Variants in POU2F1 observed in about 807,000 individuals in gnomAD.
The protein encoded by POU2F1 is POU domain, class 2, transcription factor 1.
A neutral mutation model predicts 84.9 loss-of-function variants in POU2F1; 16 were observed. That is an observed-to-expected ratio of 0.19 (90% CI 0.13 to 0.29). The LOEUF is 0.29. POU2F1 is among the 10% of genes least tolerant of loss of function. POU2F1 has a pLI of 1.00. For synonymous variants in POU2F1, 368 were observed against 368.3 expected, an observed-to-expected ratio of 1.00 and a Z score of 0.01; for missense variants, 738 against 942.6, an observed-to-expected ratio of 0.78 and a Z score of 2.84.
Position 167,421,191 on chromosome 1 carries a change from GA to G in POU2F1, c.*5383del, listed in dbSNP as rs1650629362. ...CAGCGTTTACAAACTTGGCTTTTGAGAAGGGAAAAATCCTCTTTGCTATTTC... is the reference window on the plus strand; with the variant it reads ...CAGCGTTTACAAACTTGGCTTTTGAGAGGGAAAAATCCTCTTTGCTATTTC... On this transcript the variant is annotated 3_prime_UTR_variant, in exon 16 of 16. Coordinates refer to ENST00000367866, the MANE Select transcript of POU2F1 (RefSeq NM_002697.4). 1 of 152,170 alleles carries G rather than the reference GA, an allele frequency of 6.6e-6. No homozygotes were observed. The highest frequency in any genetic ancestry group is 1.5e-5 in the Non-Finnish European group (1 of 68,022). 9.4% of individuals were successfully genotyped at this position (152,170 alleles called of 1,614,324 possible).
chr1:167,229,607 G>A (rs577840294), intron 1 of POU2F1, among the ~76,000 whole-genome samples: 62 of 152,342 alleles, frequency 4.1e-4, no homozygotes, highest in African/African-American at 1.4e-3. Flanking sequence ...ACCAGTGTTA[G>A]AGGGATGCTG....
intron 1 of POU2F1, among the ~76,000 whole-genome samples, chr1:167,323,552 A>G (rs377354015): frequency 6.6e-6 from 1 of 152,218 alleles, no homozygotes; most frequent in East Asian, 1.9e-4. Context: ...TGTTTGATGC[A>G]CTATCTGATT....
At chr1:167,399,637 G>C (rs1306476437) in intron 12 of POU2F1, among the ~76,000 whole-genome samples, 1 of 151,870 alleles carries the variant, frequency 6.6e-6, no homozygotes, top group Non-Finnish European at 1.5e-5. Context: ...ATTAACCCAA[G>C]AACTTATTGG....
chr1:167,228,708 A>G (rs536462785), intron 1 of POU2F1, among the ~76,000 whole-genome samples: 145 of 152,318 alleles, frequency 9.5e-4, no homozygotes, highest in African/African-American at 3.5e-3. Flanking sequence ...TAGTAGATCA[A>G]TTTTTTGTCC....
At chr1:167,329,639 G>C (rs1181723420) in intron 1 of POU2F1, among the ~76,000 whole-genome samples, 1 of 151,930 alleles carries the variant, frequency 6.6e-6, no homozygotes, top group Non-Finnish European at 1.5e-5. Flanking sequence ...CTGAAACAAG[G>C]CATAGAACTG....
At chr1:167,390,494 A>C (rs1229086789) in intron 9 of POU2F1, among the ~76,000 whole-genome samples, 1 of 152,220 alleles carries the variant, frequency 6.6e-6, no homozygotes, top group Non-Finnish European at 1.5e-5. Flanking sequence ...ATTTAAAAAC[A>C]GTTTTTTGTA....
chr1:167,300,500 C>T (rs1329642229), intron 1 of POU2F1, among the ~76,000 whole-genome samples: 1 of 152,158 alleles, frequency 6.6e-6, no homozygotes, highest in South Asian at 2.1e-4. Context: ...GAGTCTTGCT[C>T]TGTCGCCAGG....
At chr1:167,391,904 A>G (rs1163786881) in intron 9 of POU2F1, among the ~76,000 whole-genome samples, 1 of 152,068 alleles carries the variant, frequency 6.6e-6, no homozygotes, top group East Asian at 1.9e-4. Flanking sequence ...AAAGAAATCA[A>G]TTGTGTTGGG....
In POU2F1 at chr1:167,415,519, T is replaced by C. The variant is rs563120024; in HGVS notation, c.2010T>C (p.Ser670=). The C allele has an allele frequency of 6.2e-7, 1 of 1,614,138 alleles. No homozygotes were observed. Among genetic ancestry groups the C allele is most frequent in the South Asian group, 1.1e-5 (1 of 91,078 alleles). Residue 670 remains serine, a synonymous_variant, in exon 16 of 16, where the codon TCT becomes TCC. Coordinates refer to ENST00000367866, the MANE Select transcript of POU2F1 (RefSeq NM_002697.4). ...CTGTAGCTCTTGCTTCTGGTGGCTCTCTTCCAATAACATCACTTGATGCAA... is the reference window on the plus strand; with the variant it reads ...CTGTAGCTCTTGCTTCTGGTGGCTCCCTTCCAATAACATCACTTGATGCAA... The part of the protein sequence containing the change: ...ATIQALASGG[S]LPITSLDATG...
Position 167,415,941 on chromosome 1 carries a change from GAAA to G in POU2F1, c.*144_*146del, listed in dbSNP as rs35216157. On this transcript the variant is annotated 3_prime_UTR_variant, in exon 16 of 16. Transcript: ENST00000367866. ...TTGTGAGGGCAAAGGAGAGAAGGGA[GAAA>G]AAAAAAAAAAAACCACACACACCCA... 2.0e-4 allele frequency: 87 copies of G among 434,402 alleles called. No homozygotes were observed. The highest frequency in any genetic ancestry group is 3.6e-4 in the Middle Eastern group (1 of 2,794). 26.9% of individuals were successfully genotyped at this position (434,402 alleles called of 1,614,324 possible).
At chr1:167,349,892 C>A (rs1277329653) in intron 2 of POU2F1, among the ~76,000 whole-genome samples, 6 of 151,710 alleles carry the variant, frequency 4.0e-5, no homozygotes, top group Non-Finnish European at 8.9e-5. Flanking sequence ...ATAATTTTAT[C>A]TAAAGCCATT....
chr1:167,241,012 C>T (rs568077037), intron 1 of POU2F1, among the ~76,000 whole-genome samples: 1 of 152,102 alleles, frequency 6.6e-6, no homozygotes, highest in South Asian at 2.1e-4. Context: ...TGTGGTGGTG[C>T]GTGCCTGTAA....
chr1:167,401,315 C>A (rs1191742995), intron 12 of POU2F1, 136 bp from the exon 13 acceptor site: 7 of 554,598 alleles, frequency 1.3e-5, no homozygotes, highest in Non-Finnish European at 2.2e-5. Flanking sequence ...CAGTGAACAA[C>A]CATCTTCGAA....
intron 1 of POU2F1, among the ~76,000 whole-genome samples, chr1:167,283,233 A>G (rs896646202): frequency 6.6e-6 from 1 of 152,162 alleles, no homozygotes; most frequent in African/African-American, 2.4e-5. Context: ...GCTAAGTCCA[A>G]ATTACGGCCT....
intron 2 of POU2F1, among the ~76,000 whole-genome samples, chr1:167,343,455 A>T (rs183648303): frequency 1.3e-5 from 2 of 151,890 alleles, no homozygotes; most frequent in South Asian, 4.1e-4. Context: ...ATTTCATGTT[A>T]CTTTTTTCAT....
intron 2 of POU2F1, among the ~76,000 whole-genome samples, chr1:167,360,264 T>A (rs1267389347): frequency 6.6e-6 from 1 of 152,212 alleles, no homozygotes; most frequent in African/African-American, 2.4e-5. Flanking sequence ...TAGTCATAAA[T>A]TCTTTGCTTA....
intron 1 of POU2F1, among the ~76,000 whole-genome samples, chr1:167,270,561 C>G (rs1001497504): frequency 2.0e-5 from 3 of 152,082 alleles, no homozygotes; most frequent in African/African-American, 7.2e-5. Flanking sequence ...GAGAGAGAGA[C>G]AGACAGAGAG....
At chr1:167,349,382 C>T (rs559142202) in intron 2 of POU2F1, among the ~76,000 whole-genome samples, 30 of 152,246 alleles carry the variant, frequency 2.0e-4, no homozygotes, top group African/African-American at 5.5e-4. Flanking sequence ...TTGTGCACCC[C>T]GGCCAGACTC....
chr1:167,328,666 G>T (rs977277012), intron 1 of POU2F1, among the ~76,000 whole-genome samples: 1 of 152,098 alleles, frequency 6.6e-6, no homozygotes, highest in African/African-American at 2.4e-5. Context: ...TCTCCAGTTA[G>T]GTCCAAGAAG....
Sources: gnomAD v4.1 joint callset for allele counts (sites outside exome capture counted in the v4.1 genomes callset) on GRCh38, gnomAD v4.1.1 for gene constraint, MANE v1.5 for transcripts, NCBI Gene and HGNC (gene_info 2026-07-23, HGNC 2026-07-21) for gene names.